The following TMEM254 variants were observed in gnomAD, a reference collection of about 807,000 sequenced individuals.
TMEM254 encodes transmembrane protein C10orf57.
In TMEM254, 16 loss-of-function variants were observed where a neutral mutation model predicts 13.9. The ratio of observed to expected loss-of-function variants is 1.15; its 90% confidence interval spans 0.78 to 1.75. The LOEUF is 1.75. Ranked by LOEUF, TMEM254 falls within the 40% of genes most tolerant of loss-of-function variation. TMEM254 has a pLI of 0.00. For missense variants in TMEM254, 155 were observed against 149.0 expected (o/e 1.04, Z -0.21); for synonymous variants, 61 against 56.4 (o/e 1.08, Z -0.36).
Position 80,090,916 on chromosome 10 carries a change from G to A in TMEM254, c.371G>A (p.Ter124=), listed in dbSNP as rs747316305. The A allele has an allele frequency of 6.2e-7, 1 of 1,613,326 alleles. No homozygotes were observed. The highest frequency in any genetic ancestry group is 1.3e-5 in the African/African-American group (1 of 74,878). Reference sequence around the variant, plus strand: ...AAACGGAAGCGCCAAAAACAAACTTGAAGTTGTCTGAAAGCTTGCTCTACA... The same window carrying A: ...AAACGGAAGCGCCAAAAACAAACTTAAAGTTGTCTGAAAGCTTGCTCTACA... ...AYKRKRQKQT[*] The change falls in exon 4 of 4, where the codon TGA becomes TAA. Residue 124 remains the stop codon, a stop_retained_variant. Coordinates refer to ENST00000372281, the MANE Select transcript of TMEM254 (RefSeq NM_025125.4).
rs771419110 is a variant in TMEM254 at position 80,082,160 on chromosome 10, G to A, written c.207G>A (p.Trp69Ter). 2 of 1,614,190 alleles carry A rather than the reference G, an allele frequency of 1.2e-6. No individual in the cohort carries two copies. Among genetic ancestry groups the A allele is most frequent in the East Asian group, 2.2e-5 (1 of 44,886 alleles). Reference sequence around the variant, plus strand: ...TTGGTTTCAGGTATTGGCTTGCCTGGCTGATTCATGTGGGAGAGTCCTTGT... The same window carrying A: ...TTGGTTTCAGGTATTGGCTTGCCTGACTGATTCATGTGGGAGAGTCCTTGT... ...TLLCNGYWLA[W>*]LIHVGESLYA... The change falls in exon 3 of 4, where the codon TGG (tryptophan) becomes TGA (stop). Residue 69 changes from tryptophan to a stop codon, truncating the protein, a stop_gained. Coordinates refer to ENST00000372281, the MANE Select transcript of TMEM254 (RefSeq NM_025125.4). LOFTEE classifies it high-confidence loss of function.
rs1452450083 is a variant in TMEM254 at position 80,090,981 on chromosome 10, G to A, written c.*64G>A. On this transcript the variant is annotated 3_prime_UTR_variant, in exon 4 of 4. Transcript: ENST00000372281. ...CTCACCCTTTTTTTTGTGGGGTAGA[G>A]GAGGTGCAGTAATTTACTCAGTGAT... The A allele has an allele frequency of 5.1e-6, 8 of 1,579,344 alleles. No homozygotes were observed. Among genetic ancestry groups the A allele is most frequent in the Non-Finnish European group, 6.9e-6 (8 of 1,164,362 alleles).
At chr10:80,086,394 C>G in intron 3 of TMEM254, 1 of 450,122 alleles carries the variant, frequency 2.2e-6, no homozygotes, top group Non-Finnish European at 3.8e-6. Flanking sequence ...AAGATGGCAA[C>G]TCATCTTTAT....
At chr10:80,079,436 G>A (rs541159611) in intron 1 of TMEM254, 1 of 1,086,200 alleles carries the variant, frequency 9.2e-7, no homozygotes, top group East Asian at 7.8e-5. Context: ...GGAAAGTCAA[G>A]TTAACAGACT....
intron 1 of TMEM254, chr10:80,079,504 G>C: frequency 9.8e-7 from 1 of 1,017,646 alleles, no homozygotes. Flanking sequence ...GAGCCAATAG[G>C]AATTGTTTGG....
chr10:80,080,781 C>CAA (rs1429085822), intron 1 of TMEM254, among the ~76,000 whole-genome samples: 2 of 151,520 alleles, frequency 1.3e-5, no homozygotes, highest in African/African-American at 4.8e-5. Context: ...TCTACACACA[C>CAA]ACACACACAC....
chr10:80,084,532 A>G (rs191177852), intron 3 of TMEM254, among the ~76,000 whole-genome samples: 1 of 152,302 alleles, frequency 6.6e-6, no homozygotes, highest in African/African-American at 2.4e-5. Context: ...CAGACCAAAC[A>G]GTGTTTACTC....
chr10:80,081,066 T>A (rs1198288849), intron 1 of TMEM254, among the ~76,000 whole-genome samples: 7 of 151,244 alleles, frequency 4.6e-5, no homozygotes, highest in Non-Finnish European at 7.4e-5. Flanking sequence ...AGCGACAGAG[T>A]GAAACTCCAT....
At chr10:80,083,684 T>G (rs1317455526) in intron 3 of TMEM254, among the ~76,000 whole-genome samples, 2 of 152,300 alleles carry the variant, frequency 1.3e-5, no homozygotes, top group East Asian at 3.9e-4. Context: ...AGTTGATATC[T>G]TCTCTTGCAC....
intron 1 of TMEM254, 92 bp downstream of exon 1, chr10:80,078,878 A>C (rs933616964): frequency 4.2e-5 from 64 of 1,530,058 alleles, no homozygotes; most frequent in Non-Finnish European, 5.5e-5. Flanking sequence ...GGGCCGGGGG[A>C]AGTCGTGCAA....
In TMEM254 at chr10:80,078,776, G is replaced by A. The variant is rs778868171; in HGVS notation, c.77G>A (p.Gly26Asp). 2 of 1,605,518 alleles carry A rather than the reference G, an allele frequency of 1.2e-6. No individual in the cohort carries two copies. Among genetic ancestry groups the A allele is most frequent in the East Asian group, 2.2e-5 (1 of 44,514 alleles). The change falls in exon 1 of 4, where the codon GGC becomes GAC. Residue 26 changes from glycine to aspartate, a missense_variant. Coordinates refer to ENST00000372281, the MANE Select transcript of TMEM254 (RefSeq NM_025125.4). ...TTCACAGTCATCACCCTCAGCTTTG[G>A]CTACTACACAGTAAGGACAGCCGCT... ...FWFTVITLSFGYYTWVVFWPQ... is the reference protein window; with the variant it reads ...FWFTVITLSFDYYTWVVFWPQ...
chr10:80,079,724 T>C, intron 1 of TMEM254: 1 of 984,542 alleles, frequency 1.0e-6, no homozygotes, highest in Non-Finnish European at 1.2e-6. Context: ...TAGTTTTGTG[T>C]TTTTTTGAGA....
rs113394285 is a variant in TMEM254, at chr10:80,087,277, T to A, written c.252-3520T>A. On this transcript the variant is annotated intron_variant, in intron 3 of 3. Coordinates refer to ENST00000372281, the MANE Select transcript of TMEM254 (RefSeq NM_025125.4). ...CAATATGGCAGTGAACATTAATTTC[T>A]TGCATTTGTCCCACTTTGGTATTTG... Among the ~76,000 whole-genome samples, 733 of 152,328 alleles carry A rather than the reference T, an allele frequency of 4.8e-3. 9 individuals carry two copies. Among genetic ancestry groups the A allele is most frequent in the African/African-American group, 0.017 (694 of 41,578 alleles).
chr10:80,079,015 G>T, intron 1 of TMEM254: 1 of 1,531,060 alleles, frequency 6.5e-7, no homozygotes. Context: ...GGCTAGCCAG[G>T]CTTTTCTTAT....
rs558147649 is a variant in TMEM254, at chr10:80,086,697, C to T, written c.252-4100C>T. On this transcript the variant is annotated intron_variant, in intron 3 of 3. Transcript: ENST00000372281. Reference sequence around the variant, plus strand: ...CTCTACTAAAATACAAAAAATTAGCCGGGCATGGTGGCGGGCACCTGTAGT... The same window carrying T: ...CTCTACTAAAATACAAAAAATTAGCTGGGCATGGTGGCGGGCACCTGTAGT... Among the ~76,000 whole-genome samples, 4 of 151,756 alleles carry T rather than the reference C, an allele frequency of 2.6e-5. No individual in the cohort carries two copies. In the East Asian group the frequency reaches 5.9e-4, roughly 22 times the overall value.
At chr10:80,079,171 TGG>T in intron 1 of TMEM254, 1 of 996,592 alleles carries the variant, frequency 1.0e-6, no homozygotes, top group South Asian at 1.4e-5. Context: ...GTCCTGGGGC[TGG>T]GCTACTTCGC....
At chr10:80,085,831 AC>A (rs1217305228) in intron 3 of TMEM254, among the ~76,000 whole-genome samples, 2 of 152,140 alleles carry the variant, frequency 1.3e-5, no homozygotes, top group Non-Finnish European at 2.9e-5. Flanking sequence ...GTTCATTGTT[AC>A]CTTTTTATAG....
At chr10:80,090,258 A>G in intron 3 of TMEM254, 1 of 624,208 alleles carries the variant, frequency 1.6e-6, no homozygotes, top group Non-Finnish European at 2.9e-6. Flanking sequence ...TTTGAATGAC[A>G]ATATAAGCAG....
chr10:80,085,419 T>C (rs192681771), intron 3 of TMEM254, among the ~76,000 whole-genome samples: 1 of 151,606 alleles, frequency 6.6e-6, no homozygotes, highest in African/African-American at 2.4e-5. Context: ...AAAAAAAAAT[T>C]AGCTGGGTGT....
Sources: allele counts gnomAD v4.1 joint callset (sites outside exome capture counted in the v4.1 genomes callset), GRCh38; gene constraint gnomAD v4.1.1; transcripts MANE v1.5; gene names NCBI Gene and HGNC (gene_info 2026-07-23, HGNC 2026-07-21).